The following IL1RAPL1 variants were observed in gnomAD, a reference collection of about 807,000 sequenced individuals.
The protein encoded by IL1RAPL1 is interleukin-1 receptor accessory protein-like 1.
IL1RAPL1 carries 3 observed loss-of-function variants against 48.4 expected under a neutral mutation model. The observed-to-expected ratio is 0.06, with a 90% CI of 0.03 to 0.16. The LOEUF is 0.16. Among genes scored for constraint, IL1RAPL1 ranks in the 10% least tolerant of loss-of-function variants. The pLI is 1.00. For synonymous variants in IL1RAPL1, 185 were observed against 187.7 expected (o/e 0.99, Z 0.12); for missense variants, 349 against 530.6 (o/e 0.66, Z 3.36).
chrX:29,141,907 G>A (rs773206551), intron 2 of IL1RAPL1, among the ~76,000 whole-genome samples: 10 of 111,634 alleles, frequency 9.0e-5, no homozygotes, highest in Non-Finnish European at 1.7e-4. Context: ...CAAAACCATT[G>A]GGTGATATGC....
chrX:29,150,234 T>G (rs1055421195), intron 2 of IL1RAPL1, among the ~76,000 whole-genome samples: 29 of 111,971 alleles, frequency 2.6e-4, no homozygotes, highest in African/African-American at 9.4e-4. Flanking sequence ...GATCATAGTT[T>G]AAGGAATTTT....
chrX:28,874,667 A>G (rs759590737), intron 2 of IL1RAPL1, among the ~76,000 whole-genome samples: 3 of 112,302 alleles, frequency 2.7e-5, no homozygotes, highest in Non-Finnish European at 1.9e-5. Context: ...TATAATGAAC[A>G]TGGTGTTATT....
At chrX:29,905,803 G>A (rs772210919) in intron 6 of IL1RAPL1, among the ~76,000 whole-genome samples, 2 of 111,447 alleles carry the variant, frequency 1.8e-5, no homozygotes. Flanking sequence ...CTCCCACACA[G>A]ATGGAAGAAT....
intron 2 of IL1RAPL1, among the ~76,000 whole-genome samples, chrX:29,278,905 T>C (rs1184536429): frequency 8.9e-6 from 1 of 112,289 alleles, no homozygotes; most frequent in Non-Finnish European, 1.9e-5. Flanking sequence ...TTTAAAGTCT[T>C]TATTCACAAG....
At chrX:29,332,095 C>CTTTTTTTTTTT (rs72360733) in intron 3 of IL1RAPL1, among the ~76,000 whole-genome samples, 5 of 27,886 alleles carry the variant, frequency 1.8e-4, no homozygotes, top group Admixed American at 7.5e-4. Context: ...ATTCTAAGGT[C>CTTTTTTTTTTT]TTTTTTTTTT....
chrX:28,639,107 A>G (rs1287587944), intron 1 of IL1RAPL1, among the ~76,000 whole-genome samples: 1 of 112,082 alleles, frequency 8.9e-6, no homozygotes, highest in Non-Finnish European at 1.9e-5. Flanking sequence ...TGAAAGATAC[A>G]TAAAACACTT....
At chrX:29,301,472 A>G (rs1932533422) in intron 3 of IL1RAPL1, among the ~76,000 whole-genome samples, 1 of 112,057 alleles carries the variant, frequency 8.9e-6, no homozygotes, top group Admixed American at 9.5e-5. Flanking sequence ...GTAGTGTTTG[A>G]TTATCGAATA....
intron 3 of IL1RAPL1, among the ~76,000 whole-genome samples, chrX:29,285,581 A>G (rs1932271993): frequency 2.8e-5 from 3 of 106,090 alleles, no homozygotes; most frequent in African/African-American, 1.0e-4. Flanking sequence ...AGTTGCAATA[A>G]TGAATGAAAG....
intron 1 of IL1RAPL1, among the ~76,000 whole-genome samples, chrX:28,633,089 A>G (rs1457980276): frequency 2.7e-5 from 3 of 110,368 alleles, no homozygotes; most frequent in Non-Finnish European, 5.7e-5. Flanking sequence ...GGTTTTCGCC[A>G]TGTTGGCCAG....
chrX:29,371,770 T>C (rs1933549100), intron 3 of IL1RAPL1, among the ~76,000 whole-genome samples: 1 of 112,294 alleles, frequency 8.9e-6, no homozygotes, highest in Non-Finnish European at 1.9e-5. Context: ...AAAGACATGA[T>C]TTCATTCTTT....
At position 29,246,394 on chromosome X, in the gene IL1RAPL1, A is replaced by ATAGC. The variant is rs1285658726; in HGVS notation, c.83-36542_83-36539dup. Among the ~76,000 whole-genome samples, 5 of 109,874 alleles carry ATAGC rather than the reference A, an allele frequency of 4.6e-5. No homozygotes were observed. The East Asian group carries it at 1.5e-3, about 32-fold the overall frequency. ...TGACTCTTTACCCACCCCACCCCTG[A>ATAGC]TAGCTGATCTACCTCTCATCATCCT... On this transcript the variant is annotated intron_variant, in intron 2 of 10. Coordinates refer to ENST00000378993, the MANE Select transcript of IL1RAPL1 (RefSeq NM_014271.4).
chrX:29,450,763 G>A (rs894864066), intron 5 of IL1RAPL1, among the ~76,000 whole-genome samples: 1 of 111,706 alleles, frequency 9.0e-6, no homozygotes, highest in Non-Finnish European at 1.9e-5. Flanking sequence ...AAATGAAGTG[G>A]CATTTTCATA....
intron 5 of IL1RAPL1, among the ~76,000 whole-genome samples, chrX:29,569,101 C>T (rs1377810389): frequency 4.5e-5 from 5 of 111,110 alleles, no homozygotes; most frequent in East Asian, 2.8e-4. Context: ...GGAAATATGC[C>T]TCATTTCTCT....
At chrX:29,587,407 G>T (rs960461245) in intron 5 of IL1RAPL1, among the ~76,000 whole-genome samples, 11 of 109,945 alleles carry the variant, frequency 1.0e-4, no homozygotes, top group African/African-American at 3.3e-4. Flanking sequence ...GGAGTATGTT[G>T]GTCAAAGGGC....
chrX:29,478,688 G>A (rs1041262600), intron 5 of IL1RAPL1, among the ~76,000 whole-genome samples: 17 of 111,013 alleles, frequency 1.5e-4, no homozygotes, highest in African/African-American at 5.6e-4. Flanking sequence ...ACATTTTCCA[G>A]CCCTCTTCTC....
At chrX:29,229,197 T>G (rs148288516) in intron 2 of IL1RAPL1, among the ~76,000 whole-genome samples, 5 of 111,981 alleles carry the variant, frequency 4.5e-5, no homozygotes, top group Admixed American at 9.5e-5. Flanking sequence ...TTGGCATCGT[T>G]TCCCTTTCAT....
chrX:29,933,756 A>G (rs1984629063), intron 8 of IL1RAPL1, among the ~76,000 whole-genome samples: 1 of 110,883 alleles, frequency 9.0e-6, no homozygotes, highest in Admixed American at 9.7e-5. Context: ...ATTTATTGAT[A>G]AGCAAATGAA....
chrX:28,977,209 A>G (rs1015946077), intron 2 of IL1RAPL1, among the ~76,000 whole-genome samples: 31 of 112,341 alleles, frequency 2.8e-4, no homozygotes, highest in African/African-American at 1.0e-3. Context: ...TGTTATAAAG[A>G]AATACCTGAG....
At chrX:28,887,579 T>C (rs1449697449) in intron 2 of IL1RAPL1, among the ~76,000 whole-genome samples, 2 of 111,616 alleles carry the variant, frequency 1.8e-5, no homozygotes, top group East Asian at 2.8e-4. Flanking sequence ...ATTCTGAATA[T>C]AGTGACAATC....
Sources: allele counts gnomAD v4.1 joint callset (sites outside exome capture counted in the v4.1 genomes callset), GRCh38; gene constraint gnomAD v4.1.1; transcripts MANE v1.5; gene names NCBI Gene and HGNC (gene_info 2026-07-23, HGNC 2026-07-21).